The following DNAH3 variants were observed in gnomAD, a reference collection of about 807,000 sequenced individuals.
DNAH3 encodes the protein dynein axonemal heavy chain 3.
DNAH3 carries 332 observed loss-of-function variants against 432.5 expected under a neutral mutation model. The observed-to-expected ratio is 0.77, with a 90% CI of 0.70 to 0.84. DNAH3 has a LOEUF of 0.84. Among genes scored for constraint, DNAH3 ranks in the 40% least tolerant of loss-of-function variants. The probability of loss-of-function intolerance (pLI) is 0.00; values close to 1 mark genes in which losing one functional copy is unlikely to be tolerated. For missense variants in DNAH3, 4,861 were observed against 5,114.0 expected (o/e 0.95, Z 1.51); for synonymous variants, 1,956 against 1,900.2 (o/e 1.03, Z -0.76).
chr16:21,000,480 C>G, exon 43 of DNAH3: 2 of 1,612,760 alleles, frequency 1.2e-6, no homozygotes, highest in Non-Finnish European at 1.7e-6. Flanking sequence ...AGAAGGACTG[C>G]CGGGCTGTCT....
At chr16:21,073,432 T>C (rs1007610431) in intron 21 of DNAH3, among the ~76,000 whole-genome samples, 1 of 152,158 alleles carries the variant, frequency 6.6e-6, no homozygotes, top group South Asian at 2.1e-4. Context: ...CTGAGACCCA[T>C]GGTGGCTGGG....
At chr16:20,979,208 C>A in intron 50 of DNAH3, 122 bp downstream of exon 50, 1 of 825,916 alleles carries the variant, frequency 1.2e-6, no homozygotes, top group Admixed American at 2.3e-5. Context: ...GTAAGCTCTG[C>A]AAATGCAGGG....
exon 48 of DNAH3, chr16:20,985,217 G>A (rs2152668957): frequency 6.2e-7 from 1 of 1,614,186 alleles, no homozygotes; most frequent in African/African-American, 1.3e-5. Flanking sequence ...CCTGTGTTCA[G>A]AAGCATGTTG....
At chr16:21,019,008 T>C (rs2088005908) in intron 41 of DNAH3, 2 of 152,216 alleles carry the variant, frequency 1.3e-5, no homozygotes, top group African/African-American at 4.8e-5. Flanking sequence ...CACAAGTGTC[T>C]ATATTTCTCA....
chr16:21,047,650 T>C (rs1247512358), intron 31 of DNAH3, among the ~76,000 whole-genome samples: 2 of 151,996 alleles, frequency 1.3e-5, no homozygotes, highest in Non-Finnish European at 2.9e-5. Context: ...AGTAATTTGA[T>C]CGTCTGAAGC....
rs1365001940 is a variant in DNAH3 at position 20,947,173 on chromosome 16, T to C, written c.11343+1310A>G. On this transcript the variant is annotated intron_variant, in intron 57 of 61. Coordinates refer to ENST00000261383, the Ensembl canonical transcript of DNAH3. ...CCTAGAGAGAGAGGGTGCTGCCCTA[T>C]ACTCTGGGGAATGTCATACAGCTTT... Among the ~76,000 whole-genome samples, 5 of 151,894 alleles carry C rather than the reference T, an allele frequency of 3.3e-5. No individual in the cohort carries two copies. The East Asian group carries it at 9.7e-4, about 29-fold the overall frequency.
chr16:20,984,029 G>GAAAAAAAAAAAAAAAAAAAAAA (rs61475224), intron 48 of DNAH3, among the ~76,000 whole-genome samples: 6 of 112,134 alleles, frequency 5.4e-5, no homozygotes, highest in African/African-American at 1.7e-4. Flanking sequence ...CCTATATCCA[G>GAAAAAAAAAAAAAAAAAAAAAA]AAAAAAAAAA....
intron 18 of DNAH3, among the ~76,000 whole-genome samples, chr16:21,088,789 T>C (rs2091452938): frequency 6.6e-6 from 1 of 152,224 alleles, no homozygotes; most frequent in Non-Finnish European, 1.5e-5. Flanking sequence ...TCTAGGGTCC[T>C]GTCCAGTCCA....
exon 60 of DNAH3, chr16:20,936,676 G>A (rs372119535): frequency 9.7e-5 from 156 of 1,602,548 alleles, no homozygotes; most frequent in Non-Finnish European, 1.3e-4. Flanking sequence ...GGGCCAGCAG[G>A]TCAGCCACGT....
chr16:21,116,139 G>A (rs1465607613), intron 12 of DNAH3, among the ~76,000 whole-genome samples: 2 of 152,152 alleles, frequency 1.3e-5, no homozygotes, highest in Non-Finnish European at 2.9e-5. Context: ...GACAGTCCAG[G>A]TTTATACCTG....
At chr16:21,096,556 T>C (rs2091687024) in intron 18 of DNAH3, among the ~76,000 whole-genome samples, 1 of 152,206 alleles carries the variant, frequency 6.6e-6, no homozygotes, top group East Asian at 1.9e-4. Flanking sequence ...ATCTCTCTCC[T>C]AAAATCCACA....
chr16:21,145,282 AAGG>A (rs781386226), exon 3 of DNAH3: 2 of 1,614,086 alleles, frequency 1.2e-6, no homozygotes, highest in East Asian at 4.5e-5. Context: ...CTGGGCCATC[AAGG>A]AGTAGTTGTT....
At chr16:20,941,936 ATGC>A (rs58321361) in intron 58 of DNAH3, among the ~76,000 whole-genome samples, 3,975 of 152,218 alleles carry the variant, frequency 0.026, 99 homozygotes, top group East Asian at 0.068. Flanking sequence ...ATGATGCTGC[ATGC>A]CTATGGTCCC....
At chr16:21,059,188 C>T (rs1224056602) in intron 26 of DNAH3, among the ~76,000 whole-genome samples, 1 of 152,060 alleles carries the variant, frequency 6.6e-6, no homozygotes, top group East Asian at 1.9e-4. Context: ...AAAATAGTTG[C>T]ATTGGGAATG....
At chr16:21,031,899 A>G (rs142405431) in intron 36 of DNAH3, among the ~76,000 whole-genome samples, 2,420 of 152,222 alleles carry the variant, frequency 0.016, 62 homozygotes, top group African/African-American at 0.056. Flanking sequence ...GTGGTGGCGC[A>G]TGCCTGTAAA....
chr16:21,096,164 T>C (rs552713714), intron 18 of DNAH3, among the ~76,000 whole-genome samples: 1 of 151,766 alleles, frequency 6.6e-6, no homozygotes, highest in East Asian at 1.9e-4. Context: ...GACAAGGTTT[T>C]GCTCTGATGC....
chr16:21,016,588 G>A (rs1022394777), intron 41 of DNAH3, among the ~76,000 whole-genome samples: 9 of 152,096 alleles, frequency 5.9e-5, no homozygotes, highest in African/African-American at 2.2e-4. Context: ...AGCCTCTATG[G>A]AAAACATTAC....
chr16:21,070,575 A>G (rs1298349589), intron 22 of DNAH3, 135 bp downstream of exon 22: 1 of 627,834 alleles, frequency 1.6e-6, no homozygotes, highest in African/African-American at 1.8e-5. Context: ...GAGCCACTGT[A>G]TCATTTATTT....
rs1168753482 is a variant in DNAH3 at position 21,037,679 on chromosome 16, T to C, written c.4950+82A>G. ...CCAAAGAATGGAAGATGGAAGAGGG[T>C]ATGGGGAAGGCACCAAACACAACAT... On this transcript the variant is annotated intron_variant, in intron 34 of 61. Coordinates refer to ENST00000261383, the Ensembl canonical transcript of DNAH3. 6.7e-5 allele frequency: 79 copies of C among 1,178,088 alleles called. 1 individual carries two copies. In the South Asian group the frequency reaches 7.8e-4, roughly 12 times the overall value. 73.0% of individuals were successfully genotyped at this position (1,178,088 alleles called of 1,614,324 possible).
Sources: allele counts gnomAD v4.1 joint callset (sites outside exome capture counted in the v4.1 genomes callset), GRCh38; gene constraint gnomAD v4.1.1; transcripts MANE v1.5; gene names NCBI Gene and HGNC (gene_info 2026-07-23, HGNC 2026-07-21).